Variants in MERTK observed in about 807,000 individuals in gnomAD.
The protein encoded by MERTK is MER proto-oncogene, tyrosine kinase, also known as tyrosine-protein kinase Mer.
In MERTK, 69 loss-of-function variants were observed where a neutral mutation model predicts 99.3. The ratio of observed to expected loss-of-function variants is 0.70; its 90% CI spans 0.57 to 0.85. The LOEUF (loss-of-function observed/expected upper bound fraction) is 0.85, where lower values mean the gene tolerates loss of function less well. MERTK is among the 40% of genes least tolerant of loss of function. The pLI, the probability that MERTK is intolerant of heterozygous loss-of-function variation, is 0.00. For synonymous variants in MERTK, 426 were observed against 467.6 expected (o/e 0.91, Z 1.15); for missense variants, 1,125 against 1,249.4 (o/e 0.90, Z 1.50).
intron 14 of MERTK, chr2:112,008,703 A>T (rs1677037566): frequency 6.6e-6 from 4 of 603,576 alleles, no homozygotes; most frequent in Non-Finnish European, 3.0e-6. Flanking sequence ...GAATGATTTG[A>T]GTTTTCCACA....
chr2:111,971,197 TTCTC>T (rs906731883), intron 6 of MERTK, among the ~76,000 whole-genome samples: 8 of 152,228 alleles, frequency 5.3e-5, no homozygotes, highest in African/African-American at 1.9e-4. Context: ...GTAATTTGTC[TTCTC>T]TCTTATTTTT....
chr2:111,949,613 A>G (rs866511334), intron 4 of MERTK, among the ~76,000 whole-genome samples: 5 of 152,188 alleles, frequency 3.3e-5, no homozygotes, highest in Admixed American at 6.5e-5. Context: ...TTGACATACA[A>G]TTAAGTGCAT....
intron 7 of MERTK, among the ~76,000 whole-genome samples, chr2:111,976,546 GTGTGTGTGT>G (rs1676255866): frequency 2.0e-5 from 3 of 150,732 alleles, no homozygotes; most frequent in Admixed American, 1.3e-4. Context: ...GTGTGTGTGT[GTGTGTGTGT>G]GTGTGTGTGT....
rs1279569380 is a variant in MERTK, at chr2:112,019,524, TAAGAGTCC to T, written c.2189+3_2189+10del. On this transcript the variant is annotated splice_donor_5th_base_variant and intron_variant, in intron 16 of 18. Coordinates refer to ENST00000295408, the MANE Select transcript of MERTK (RefSeq NM_006343.3). Reference sequence around the variant, plus strand: ...AGATTTAGCTGCTCGAAACTGCATGTAAGAGTCCTCGGCTATCCTGGAAGGGTTTGGAC... The same window carrying T: ...AGATTTAGCTGCTCGAAACTGCATGTTCGGCTATCCTGGAAGGGTTTGGAC... 6.2e-7 allele frequency: 1 copy of T among 1,602,434 alleles called. No homozygotes were observed. The highest frequency in any genetic ancestry group is 1.3e-5 in the African/African-American group (1 of 74,676).
At chr2:111,926,976 A>G (rs1246895481) in intron 1 of MERTK, among the ~76,000 whole-genome samples, 2 of 152,180 alleles carry the variant, frequency 1.3e-5, no homozygotes, top group African/African-American at 4.8e-5. Context: ...TTCACTCCCT[A>G]GCATAAGTGA....
intron 1 of MERTK, among the ~76,000 whole-genome samples, chr2:111,906,774 C>G (rs1684144616): frequency 6.6e-6 from 1 of 152,256 alleles, no homozygotes; most frequent in African/African-American, 2.4e-5. Flanking sequence ...TAGATTCACT[C>G]TTAGTTTAAA....
intron 7 of MERTK, among the ~76,000 whole-genome samples, chr2:111,977,287 T>C (rs73958409): frequency 0.012 from 1,863 of 152,320 alleles, 41 homozygotes; most frequent in African/African-American, 0.043. Flanking sequence ...ATTTTTAGCC[T>C]TCATTTTTGA....
chr2:111,933,633 C>A (rs1684713286), intron 2 of MERTK, among the ~76,000 whole-genome samples: 1 of 152,084 alleles, frequency 6.6e-6, no homozygotes, highest in South Asian at 2.1e-4. Context: ...ATGATGAGGT[C>A]TCTAGATTGA....
intron 4 of MERTK, among the ~76,000 whole-genome samples, chr2:111,961,683 C>T (rs141532416): frequency 3.3e-5 from 5 of 152,124 alleles, no homozygotes; most frequent in East Asian, 1.9e-4. Context: ...GTCAGGGAAA[C>T]GCAGACACTG....
At chr2:112,010,582 A>G (rs1308274850) in intron 15 of MERTK, among the ~76,000 whole-genome samples, 1 of 152,164 alleles carries the variant, frequency 6.6e-6, no homozygotes, top group Non-Finnish European at 1.5e-5. Flanking sequence ...GGAATGTTGG[A>G]TGTAGCTGTA....
At chr2:112,016,345 G>T (rs2104418918) in intron 15 of MERTK, among the ~76,000 whole-genome samples, 1 of 152,272 alleles carries the variant, frequency 6.6e-6, no homozygotes, top group Middle Eastern at 3.4e-3. Flanking sequence ...GTATTAAAAA[G>T]ATAAAAAGGA....
chr2:111,982,140 G>A (rs940442516), intron 7 of MERTK, among the ~76,000 whole-genome samples: 1 of 151,680 alleles, frequency 6.6e-6, no homozygotes, highest in Non-Finnish European at 1.5e-5. Context: ...GCTCACTGTG[G>A]CCTTGACTTT....
At chr2:111,922,393 C>T (rs1332466890) in intron 1 of MERTK, among the ~76,000 whole-genome samples, 1 of 152,204 alleles carries the variant, frequency 6.6e-6, no homozygotes, top group Non-Finnish European at 1.5e-5. Flanking sequence ...TGAGAGATGC[C>T]TTAGAGCTAA....
chr2:111,996,134 G>A (rs1676731474), intron 9 of MERTK: 1 of 154,302 alleles, frequency 6.5e-6, no homozygotes, highest in Non-Finnish European at 1.5e-5. Flanking sequence ...ACGTGGGGAA[G>A]CCATGTTTGC....
intron 1 of MERTK, among the ~76,000 whole-genome samples, chr2:111,927,545 G>C (rs536584210): frequency 3.3e-4 from 50 of 152,132 alleles, no homozygotes; most frequent in African/African-American, 1.2e-3. Context: ...GGTAGCACGA[G>C]CCTATAGTAC....
chr2:111,994,673 G>A, intron 9 of MERTK: 1 of 451,666 alleles, frequency 2.2e-6, no homozygotes, highest in Non-Finnish European at 4.2e-6. Context: ...CAGCTACTTG[G>A]GAGGCTGAGG....
intron 17 of MERTK, 24 bp from the exon 18 acceptor site, chr2:112,022,234 A>T (rs1276858639): frequency 6.2e-7 from 1 of 1,614,170 alleles, no homozygotes; most frequent in Non-Finnish European, 8.5e-7. Context: ...CTTGCATCCT[A>T]ACTTGTTGTT....
chr2:112,014,002 G>A (rs1305801393), intron 15 of MERTK, among the ~76,000 whole-genome samples: 3 of 150,958 alleles, frequency 2.0e-5, no homozygotes, highest in Non-Finnish European at 4.4e-5. Context: ...TTACAGGCAT[G>A]CGCTATCATG....
chr2:111,970,806 CCT>C (rs1316353068), intron 6 of MERTK, among the ~76,000 whole-genome samples: 6 of 78,482 alleles, frequency 7.6e-5, no homozygotes, highest in African/African-American at 1.6e-4. Flanking sequence ...CCTCCCCCCT[CCT>C]CCTCCTCCTC....
Sources: gnomAD v4.1 joint callset for allele counts (sites outside exome capture counted in the v4.1 genomes callset) on GRCh38, gnomAD v4.1.1 for gene constraint, MANE v1.5 for transcripts, NCBI Gene and HGNC (gene_info 2026-07-23, HGNC 2026-07-21) for gene names.